AMOTL1: variants seen among roughly 807,000 people sequenced by gnomAD.
AMOTL1 encodes angiomotin like 1.
Under a neutral mutation model 102.9 loss-of-function variants are expected in AMOTL1, and 45 were observed. That is an observed-to-expected ratio of 0.44 (90% CI 0.34 to 0.56). AMOTL1 has a LOEUF of 0.56. AMOTL1 is among the 20% of genes least tolerant of loss of function. The pLI, the probability that AMOTL1 is intolerant of heterozygous loss-of-function variation, is 0.01. For synonymous variants in AMOTL1, 481 were observed against 484.7 expected (o/e 0.99, Z 0.10); for missense variants, 1,114 against 1,225.6 (o/e 0.91, Z 1.36).
chr11:94,734,674 A>C (rs1379703548), intron 2 of AMOTL1, among the ~76,000 whole-genome samples: 1 of 152,054 alleles, frequency 6.6e-6, no homozygotes, highest in Non-Finnish European at 1.5e-5. Context: ...GGAGGGGAGG[A>C]GGAGCGGGTA....
In AMOTL1 at chr11:94,799,622, C is replaced by T. The variant is rs1328174556; in HGVS notation, c.432C>T (p.Leu144=). The part of the protein sequence containing the change: ...PTNNFSSTEN[L]TQEDPQMVYQ... ...ACAACTTTTCTTCCACGGAAAACCT[C>T]ACTCAAGAAGACCCACAAATGGTCT... The change falls in exon 3 of 13, where the codon CTC becomes CTT. Residue 144 remains leucine, a synonymous_variant. Coordinates refer to ENST00000433060, the MANE Select transcript of AMOTL1 (RefSeq NM_130847.3). The surrounding 1 kb of genome is among the most constrained non-coding windows in gnomAD (Gnocchi z 4.5). 1.2e-6 allele frequency: 2 copies of T among 1,613,834 alleles called. No homozygotes were observed. Among genetic ancestry groups the T allele is most frequent in the African/African-American group, 1.3e-5 (1 of 74,902 alleles).
At chr11:94,822,899 G>A (rs1951893779) in intron 4 of AMOTL1, among the ~76,000 whole-genome samples, 1 of 152,170 alleles carries the variant, frequency 6.6e-6, no homozygotes, top group South Asian at 2.1e-4. Context: ...TTCTGGGGGT[G>A]AGGAGGCATG....
chr11:94,829,599 C>T (rs1322072327), intron 4 of AMOTL1, among the ~76,000 whole-genome samples: 2 of 152,104 alleles, frequency 1.3e-5, no homozygotes, highest in African/African-American at 4.8e-5. Flanking sequence ...CCTTTGGGGA[C>T]AGATAGAAGT....
At chr11:94,741,329 C>T (rs778317253) in intron 3 of AMOTL1, among the ~76,000 whole-genome samples, 2 of 152,150 alleles carry the variant, frequency 1.3e-5, no homozygotes, top group Non-Finnish European at 2.9e-5. Context: ...GCTGGGGCTT[C>T]TGAAACCTGC....
intron 1 of AMOTL1, among the ~76,000 whole-genome samples, chr11:94,777,871 G>A (rs995624955): frequency 6.6e-6 from 1 of 152,158 alleles, no homozygotes; most frequent in African/African-American, 2.4e-5. Context: ...TCAATACTGA[G>A]GTGGAGAATT....
At chr11:94,789,371 C>G (rs1951244363) in intron 1 of AMOTL1, among the ~76,000 whole-genome samples, 1 of 152,210 alleles carries the variant, frequency 6.6e-6, no homozygotes, top group African/African-American at 2.4e-5. Context: ...GTTGGCCAGG[C>G]TGGTCTCGAA....
At chr11:94,721,086 A>G (rs1565326575) in intron 1 of AMOTL1, among the ~76,000 whole-genome samples, 1 of 152,136 alleles carries the variant, frequency 6.6e-6, no homozygotes, top group South Asian at 2.1e-4. Flanking sequence ...TGGCTCTAAG[A>G]ATCTAGGCTT....
chr11:94,821,860 C>G, intron 4 of AMOTL1, 39 bp downstream of exon 4: 1 of 1,599,010 alleles, frequency 6.3e-7, no homozygotes, highest in Non-Finnish European at 8.5e-7. Flanking sequence ...GAGACAAATT[C>G]TTTACCTGGT....
chr11:94,856,531 AG>A (rs1952669600), intron 8 of AMOTL1, among the ~76,000 whole-genome samples: 1 of 152,148 alleles, frequency 6.6e-6, no homozygotes, highest in Non-Finnish European at 1.5e-5. Context: ...TGAGGAACTC[AG>A]CCTGTCCGGG....
chr11:94,725,645 G>A (rs1282381634), intron 1 of AMOTL1, among the ~76,000 whole-genome samples: 1 of 152,092 alleles, frequency 6.6e-6, no homozygotes, highest in African/African-American at 2.4e-5. Context: ...GGGAGCCTCT[G>A]AGGAACACAG....
At position 94,750,735 on chromosome 11, in the gene AMOTL1, A is replaced by T. The variant is rs188612614; in HGVS notation, c.136+9747A>T. Among the ~76,000 whole-genome samples the T allele has an allele frequency of 2.4e-4, 36 of 152,274 alleles. No homozygotes were observed. In the East Asian group the frequency reaches 6.2e-3, roughly 26 times the overall value. On this transcript the variant is annotated intron_variant, in intron 3 of 4. Coordinates refer to the AMOTL1 transcript ENST00000299004. ...TTTTCTCAGGATGATTGACAGTGGA[A>T]AATTCAATTCCCTTCACAGGAAACC...
chr11:94,785,109 A>T (rs2135538994), intron 1 of AMOTL1, among the ~76,000 whole-genome samples: 1 of 152,350 alleles, frequency 6.6e-6, no homozygotes, highest in East Asian at 1.9e-4. Context: ...ATAAAAAATA[A>T]CACAAAGAGA....
chr11:94,815,011 C>T (rs1951742105), intron 3 of AMOTL1, among the ~76,000 whole-genome samples: 1 of 152,160 alleles, frequency 6.6e-6, no homozygotes, highest in African/African-American at 2.4e-5. Context: ...ACACTTTTTA[C>T]AATCCAGCCA....
At chr11:94,707,934 C>T (rs2135423378) in intron 1 of AMOTL1, among the ~76,000 whole-genome samples, 1 of 152,336 alleles carries the variant, frequency 6.6e-6, no homozygotes, top group South Asian at 2.1e-4. Context: ...AGAAACCTCA[C>T]ATCTGGGCCT....
intron 2 of AMOTL1, among the ~76,000 whole-genome samples, chr11:94,733,392 A>T (rs376672876): frequency 1.3e-5 from 2 of 152,230 alleles, no homozygotes; most frequent in African/African-American, 4.8e-5. Context: ...TTTTACAGAG[A>T]AGAGCACAGT....
chr11:94,853,723 A>G (rs1418962799), intron 7 of AMOTL1, among the ~76,000 whole-genome samples: 2 of 152,182 alleles, frequency 1.3e-5, no homozygotes, highest in Non-Finnish European at 2.9e-5. Flanking sequence ...CTTCAATTTC[A>G]TACATCCTAG....
intron 1 of AMOTL1, among the ~76,000 whole-genome samples, chr11:94,784,212 A>G (rs1360168542): frequency 6.6e-6 from 1 of 152,126 alleles, no homozygotes; most frequent in Admixed American, 6.5e-5. Context: ...ACTAGTGTGT[A>G]GTTGGTTCAC....
At chr11:94,789,300 A>G (rs1467347058) in intron 1 of AMOTL1, among the ~76,000 whole-genome samples, 1 of 152,124 alleles carries the variant, frequency 6.6e-6, no homozygotes, top group Non-Finnish European at 1.5e-5. Flanking sequence ...CTGAGACTAC[A>G]GGTGCCCGCC....
chr11:94,782,611 C>T (rs1350952437), intron 1 of AMOTL1, among the ~76,000 whole-genome samples: 1 of 152,150 alleles, frequency 6.6e-6, no homozygotes, highest in Non-Finnish European at 1.5e-5. Flanking sequence ...ATGAAAAGAC[C>T]ACTGGCAGGG....
Sources: gnomAD v4.1 joint callset for allele counts (sites outside exome capture counted in the v4.1 genomes callset) on GRCh38, gnomAD v4.1.1 for gene constraint, Gnocchi (gnomAD v3.1) non-coding constraint, MANE v1.5 for transcripts, NCBI Gene and HGNC (gene_info 2026-07-23, HGNC 2026-07-21) for gene names.